The following FGGY variants were observed in gnomAD, a reference collection of about 807,000 sequenced individuals.
FGGY encodes the protein FGGY carbohydrate kinase domain-containing protein.
In FGGY, 72 loss-of-function variants were observed where a neutral mutation model predicts 71.3. That is an observed-to-expected ratio of 1.01 (90% CI 0.84 to 1.23). The LOEUF (loss-of-function observed/expected upper bound fraction) is 1.23. Ranked by LOEUF, FGGY falls within the 50% of genes most tolerant of loss-of-function variation. FGGY has a pLI of 0.00. For missense variants in FGGY, 668 were observed against 682.3 expected (o/e 0.98, Z 0.23); for synonymous variants, 251 against 250.3 (o/e 1.00, Z -0.02).
intron 6 of FGGY, among the ~76,000 whole-genome samples, chr1:59,461,201 A>G (rs555593052): frequency 1.3e-5 from 2 of 152,230 alleles, no homozygotes; most frequent in Non-Finnish European, 2.9e-5. Context: ...GCTAACTAGA[A>G]TAAACAGTGT....
intron 14 of FGGY, among the ~76,000 whole-genome samples, chr1:59,709,500 A>G (rs897445508): frequency 1.3e-5 from 2 of 151,514 alleles, no homozygotes; most frequent in Admixed American, 1.3e-4. Flanking sequence ...ACACACACAC[A>G]CTGGAAGAGT....
chr1:59,416,568 C>T (rs1347683997), intron 5 of FGGY, among the ~76,000 whole-genome samples: 2 of 152,184 alleles, frequency 1.3e-5, no homozygotes, highest in Non-Finnish European at 2.9e-5. Context: ...CACTCTCACA[C>T]CCCTAAATTA....
chr1:59,726,871 C>T (rs1239525187), intron 14 of FGGY, among the ~76,000 whole-genome samples: 2 of 151,982 alleles, frequency 1.3e-5, no homozygotes, highest in Admixed American at 1.3e-4. Context: ...TTTATTATTT[C>T]TTCTGCTTTT....
chr1:59,681,281 G>T (rs1044325031), intron 14 of FGGY, among the ~76,000 whole-genome samples: 6 of 152,138 alleles, frequency 3.9e-5, no homozygotes, highest in African/African-American at 1.4e-4. Flanking sequence ...AAATGCTATT[G>T]TTATTAACAC....
intron 1 of FGGY, among the ~76,000 whole-genome samples, chr1:59,308,819 A>C (rs2043827042): frequency 6.6e-6 from 1 of 152,242 alleles, no homozygotes. Context: ...ATTAAAAAAT[A>C]ATACAAATGG....
At chr1:59,535,176 G>T (rs1302317580) in intron 7 of FGGY, among the ~76,000 whole-genome samples, 3 of 152,042 alleles carry the variant, frequency 2.0e-5, no homozygotes. Context: ...GGCAGGGGTT[G>T]CAATCCTAGT....
At chr1:59,397,609 T>C (rs1266483684) in intron 5 of FGGY, among the ~76,000 whole-genome samples, 2 of 152,260 alleles carry the variant, frequency 1.3e-5, no homozygotes, top group East Asian at 3.9e-4. Context: ...CTGCAGGGTG[T>C]AGGCAGTGAA....
intron 6 of FGGY, among the ~76,000 whole-genome samples, chr1:59,491,288 G>T (rs528327249): frequency 6.6e-6 from 1 of 150,770 alleles, no homozygotes; most frequent in African/African-American, 2.4e-5. Context: ...TAGGGATTAC[G>T]TTGAGTGTGT....
At chr1:59,699,424 A>G (rs2097691760) in intron 14 of FGGY, 1 of 984,482 alleles carries the variant, frequency 1.0e-6, no homozygotes, top group Non-Finnish European at 1.2e-6. Flanking sequence ...GTTTTGCAAT[A>G]GTGACACCTA....
chr1:59,753,907 G>A (rs1418893020), intron 14 of FGGY, among the ~76,000 whole-genome samples: 1 of 152,094 alleles, frequency 6.6e-6, no homozygotes, highest in Admixed American at 6.5e-5. Flanking sequence ...AAGTCACTTA[G>A]ATAATATAAC....
intron 9 of FGGY, 83 bp from the exon 10 acceptor site, chr1:59,625,905 T>A (rs2096851740): frequency 9.6e-7 from 1 of 1,046,664 alleles, no homozygotes; most frequent in African/African-American, 1.6e-5. Context: ...GAAAGAAACA[T>A]ATACTCATTT....
intron 7 of FGGY, among the ~76,000 whole-genome samples, chr1:59,519,453 C>T (rs1475993394): frequency 6.6e-6 from 1 of 151,992 alleles, no homozygotes; most frequent in Admixed American, 6.6e-5. Flanking sequence ...ATAAAATGGG[C>T]CTAAAATTGA....
intron 5 of FGGY, among the ~76,000 whole-genome samples, chr1:59,434,217 TG>T (rs2067963527): frequency 6.6e-6 from 1 of 152,228 alleles, no homozygotes; most frequent in African/African-American, 2.4e-5. Context: ...AGGCAGACTT[TG>T]TGTCTTTTTC....
chr1:59,457,076 G>A lies in FGGY; in HGVS notation c.670G>A (p.Gly224Arg). Residue 224 changes from glycine (G) to arginine (R), a missense_variant and splice_region_variant, in exon 6 of 16, where the codon GGA becomes AGA. Transcript: ENST00000303721. ...DFVADNYSKI[G>R]NQVLPPGASL... ...TGTTGCAGATAATTACAGCAAAATA[G>A]GTAAAAGAATAAAACATCTGTAGAG... 6.3e-7 allele frequency: 1 copy of A among 1,599,738 alleles called. No individual in the cohort carries two copies. Among genetic ancestry groups the A allele is most frequent in the Non-Finnish European group, 8.6e-7 (1 of 1,167,084 alleles).
At chr1:59,336,027 G>C (rs1319600202) in intron 2 of FGGY, among the ~76,000 whole-genome samples, 1 of 151,848 alleles carries the variant, frequency 6.6e-6, no homozygotes, top group South Asian at 2.1e-4. Flanking sequence ...TTTTTCTTTT[G>C]TGGGTCTTGC....
chr1:59,585,128 C>T (rs1441998214), intron 8 of FGGY, among the ~76,000 whole-genome samples: 5 of 152,142 alleles, frequency 3.3e-5, no homozygotes, highest in Admixed American at 6.5e-5. Context: ...CCATCCCCAT[C>T]AAGCTACCAA....
chr1:59,356,318 T>G (rs1248464367), intron 4 of FGGY, among the ~76,000 whole-genome samples: 1 of 152,186 alleles, frequency 6.6e-6, no homozygotes, highest in Non-Finnish European at 1.5e-5. Context: ...ATTCCATGCC[T>G]GTATTCTCTC....
rs192190706 is a variant in FGGY at position 59,589,640 on chromosome 1, A to T, written c.904-18163A>T. 2.8e-4 allele frequency among the ~76,000 whole-genome samples: 43 copies of T among 152,334 alleles called. No individual in the cohort carries two copies. In the East Asian group the frequency reaches 8.1e-3, roughly 29 times the overall value. On this transcript the variant is annotated intron_variant, in intron 8 of 15. Transcript: ENST00000303721. ...AACTCAGGATTCAGAAACTCACTCA[A>T]AACCGCTCAACTACATGGAAACTGA...
chr1:59,513,798 T>C (rs757665056), intron 7 of FGGY, among the ~76,000 whole-genome samples: 1 of 152,166 alleles, frequency 6.6e-6, no homozygotes, highest in African/African-American at 2.4e-5. Flanking sequence ...CTTTAAACAG[T>C]AGAGTGAAGA....
Sources: gnomAD v4.1 joint callset for allele counts (sites outside exome capture counted in the v4.1 genomes callset) on GRCh38, gnomAD v4.1.1 for gene constraint, MANE v1.5 for transcripts, NCBI Gene and HGNC (gene_info 2026-07-23, HGNC 2026-07-21) for gene names.